Variants in TRIML2 observed in about 807,000 individuals in gnomAD.
The protein encoded by TRIML2 is tripartite motif family like 2.
In TRIML2, 28 loss-of-function variants were observed where a neutral mutation model predicts 31.2. The ratio of observed to expected loss-of-function variants is 0.90; its 90% confidence interval spans 0.66 to 1.23. The LOEUF is 1.23. Ranked by LOEUF, TRIML2 falls within the 50% of genes most tolerant of loss-of-function variation. The probability of loss-of-function intolerance (pLI) is 0.00; values close to 1 mark genes in which losing one functional copy is unlikely to be tolerated. For synonymous variants in TRIML2, 187 were observed against 197.5 expected (o/e 0.95, Z 0.45); for missense variants, 536 against 528.3 (o/e 1.01, Z -0.14).
chr4:188,108,932 G>T (rs369379131), intron 1 of TRIML2, among the ~76,000 whole-genome samples: 18 of 152,258 alleles, frequency 1.2e-4, no homozygotes, highest in African/African-American at 4.3e-4. Context: ...GAGATGCCCT[G>T]TGTCTACATC....
chr4:188,106,811 T>A (rs1045160794), intron 1 of TRIML2: 4 of 246,162 alleles, frequency 1.6e-5, no homozygotes, highest in Non-Finnish European at 3.4e-5. Flanking sequence ...AGACTCTTGC[T>A]AAGGTGGCCA....
intron 4 of TRIML2, among the ~76,000 whole-genome samples, chr4:188,100,809 G>GT (rs1733753839): frequency 6.6e-6 from 1 of 152,082 alleles, no homozygotes; most frequent in South Asian, 2.1e-4. Context: ...TTCTATGTGT[G>GT]TAAGTATGTT....
At chr4:188,100,134 G>C (rs979253568) in intron 4 of TRIML2, among the ~76,000 whole-genome samples, 1 of 152,110 alleles carries the variant, frequency 6.6e-6, no homozygotes, top group Non-Finnish European at 1.5e-5. Context: ...TATGTATGGA[G>C]CACATTTTGT....
intron 7 of TRIML2, among the ~76,000 whole-genome samples, chr4:188,096,151 C>T (rs888319533): frequency 6.6e-6 from 1 of 152,162 alleles, no homozygotes. Flanking sequence ...GTAATCCCAG[C>T]ACTTTGGGAG....
chr4:188,106,049 C>T lies in TRIML2; in HGVS notation c.-222-459G>A, dbSNP rs901395210. 7 of 140,538 alleles carry T rather than the reference C, an allele frequency of 5.0e-5. No individual in the cohort carries two copies. The East Asian group carries it at 1.2e-3, about 24-fold the overall frequency. The allele number at this position is 140,538 out of a possible 1,614,324, so 8.7% of individuals were successfully genotyped here. On this transcript the variant is annotated intron_variant, in intron 1 of 7. Transcript: ENST00000682553. ...TGGGGAAGCAAATAAGGGAAAACAG[C>T]TCCTCTTTTTTTTTTTTTGAGACGG...
In TRIML2 at chr4:188,103,099, G is replaced by A. The variant is rs183147144; in HGVS notation, c.285+1738C>T. ...GCCATCTCGGCTCACTGCAAGCTCC[G>A]CCTCCAAAGTTCATGCCATTCTCCT... is the stretch of plus-strand genomic sequence containing the variant. On this transcript the variant is annotated intron_variant, in intron 3 of 7. Coordinates refer to ENST00000682553, the MANE Select transcript of TRIML2 (RefSeq NM_173553.4). 7.8e-4 allele frequency among the ~76,000 whole-genome samples: 105 copies of A among 134,124 alleles called. 1 individual carries two copies. In the East Asian group the frequency reaches 0.024, roughly 31 times the overall value. The allele number at this position is 134,124 out of a possible 152,430, so 88.0% of individuals were successfully genotyped here.
chr4:188,098,124 A>AC, intron 5 of TRIML2: 1 of 103,594 alleles, frequency 9.7e-6, no homozygotes, highest in Non-Finnish European at 1.8e-5. Flanking sequence ...CGTCTCGGGG[A>AC]AAAAAAAAAA....
chr4:188,098,627 G>A (rs1462236736), intron 5 of TRIML2: 1 of 208,358 alleles, frequency 4.8e-6, no homozygotes, highest in Non-Finnish European at 9.9e-6. Flanking sequence ...ATATGTGTGT[G>A]TATATATACT....
At chr4:188,102,244 C>T (rs568126610) in intron 3 of TRIML2, among the ~76,000 whole-genome samples, 1 of 151,676 alleles carries the variant, frequency 6.6e-6, no homozygotes, top group African/African-American at 2.4e-5. Context: ...ATGGGATTTG[C>T]TGATGCTTGG....
Position 188,091,903 on chromosome 4 carries a change from G to T in TRIML2, c.784C>A (p.Leu262Met). The T allele has an allele frequency of 6.2e-7, 1 of 1,613,202 alleles. No individual in the cohort carries two copies. Among genetic ancestry groups the T allele is most frequent in the Non-Finnish European group, 8.5e-7 (1 of 1,179,984 alleles). Residue 262 changes from leucine to methionine, a missense_variant, in exon 8 of 8, where the codon CTG becomes ATG. Transcript: ENST00000682553. ...GTTCTCAGGTCCTCAGATAGTGCCA[G>T]GCAGGGATGAGCTGTTTCAGGATCC... is the stretch of plus-strand genomic sequence containing the variant. ...TLDPETAHPC[L>M]ALSEDLRTMR...
chr4:188,105,544 C>T lies in TRIML2; in HGVS notation c.-176G>A, dbSNP rs77568613. 48,229 of 477,008 alleles carry T rather than the reference C, an allele frequency of 0.1. 6,366 individuals are homozygous for T. The highest frequency in any genetic ancestry group is 0.54 in the East Asian group (18,561 of 34,286). The allele number at this position is 477,008 out of a possible 1,614,324, so 29.5% of individuals were successfully genotyped here. On this transcript the variant is annotated 5_prime_UTR_variant, in exon 2 of 8. Coordinates refer to ENST00000682553, the MANE Select transcript of TRIML2 (RefSeq NM_173553.4). Reference sequence around the variant, plus strand: ...ATAAGTCCACGCAGACAGAGCGGGTCGGCGCTCTGGACTCCTCAAATCCAA... The same window carrying T: ...ATAAGTCCACGCAGACAGAGCGGGTTGGCGCTCTGGACTCCTCAAATCCAA...
intron 1 of TRIML2, chr4:188,106,172 C>CT (rs1205582367): frequency 2.6e-5 from 4 of 151,742 alleles, no homozygotes; most frequent in Non-Finnish European, 5.9e-5. Flanking sequence ...GCCTCAGCCT[C>CT]CCGAGTAGCT....
rs1262113705 is a variant in TRIML2 at position 188,097,801 on chromosome 4, C to T, written c.622-455G>A. ...TGAGCGCATTCATTGCAATTATAAG[C>T]CCAGGAGAGGGATATGGACAGTCTT... On this transcript the variant is annotated intron_variant, in intron 5 of 7. Transcript: ENST00000682553. Among the ~76,000 whole-genome samples, 4 of 152,094 alleles carry T rather than the reference C, an allele frequency of 2.6e-5. No homozygotes were observed. The East Asian group carries it at 7.7e-4, about 29-fold the overall frequency.
At chr4:188,105,031 G>A in intron 2 of TRIML2, 99 bp from the exon 3 acceptor site, 1 of 1,403,984 alleles carries the variant, frequency 7.1e-7, no homozygotes, top group Non-Finnish European at 1.0e-6. Flanking sequence ...TATTTTCTTA[G>A]CCTTTAGGTT....
At chr4:188,104,038 T>C (rs147494077) in intron 3 of TRIML2, among the ~76,000 whole-genome samples, 26 of 152,248 alleles carry the variant, frequency 1.7e-4, no homozygotes, top group African/African-American at 5.8e-4. Context: ...AGAAGTGAAA[T>C]ATGCCTAACA....
Position 188,091,455 on chromosome 4 carries a change from C to T in TRIML2, c.1232G>A (p.Cys411Tyr), listed in dbSNP as rs1454602371. 6.2e-7 allele frequency: 1 copy of T among 1,613,988 alleles called. No individual in the cohort carries two copies. The change falls in exon 8 of 8, where the codon TGT becomes TAT. Residue 411 changes from cysteine (C) to tyrosine (Y), a missense_variant. Cys to Tyr is a radical substitution (Grantham distance 194). Transcript: ENST00000682553. ...TGGACTTGTGTCTCCATTTGGGATA[C>T]AGAGGGAAAACACAGGCCTGAGAGC... is the stretch of plus-strand genomic sequence containing the variant. The part of the protein sequence containing the change: ...QGALRPVFSL[C>Y]IPNGDTSPDS...
intron 4 of TRIML2, among the ~76,000 whole-genome samples, chr4:188,100,039 CTTACT>C (rs1733703117): frequency 6.6e-6 from 1 of 152,088 alleles, no homozygotes; most frequent in African/African-American, 2.4e-5. Flanking sequence ...AATCTGACAA[CTTACT>C]TTATTCTTGG....
At chr4:188,097,473 G>C in intron 5 of TRIML2, 127 bp from the exon 6 acceptor site, 2 of 833,714 alleles carry the variant, frequency 2.4e-6, no homozygotes, top group East Asian at 2.4e-5. Context: ...CATAATGCTA[G>C]TTATCAGATG....
rs867676058 is a variant in TRIML2 at position 188,098,125 on chromosome 4, A to G, written c.622-779T>C. 3.8e-3 allele frequency: 720 copies of G among 188,214 alleles called. 2 individuals carry two copies. Among genetic ancestry groups the G allele is most frequent in the African/African-American group, 0.011 (449 of 41,384 alleles). 11.7% of individuals were successfully genotyped at this position (188,214 alleles called of 1,614,324 possible). On this transcript the variant is annotated intron_variant, in intron 5 of 7. Transcript: ENST00000682553. ...ATAGAGCGAGACTCCGTCTCGGGGA[A>G]AAAAAAAAAAAAAAAGGTAACCCAC...
Sources: allele counts gnomAD v4.1 joint callset (sites outside exome capture counted in the v4.1 genomes callset), GRCh38; gene constraint gnomAD v4.1.1; transcripts MANE v1.5; gene names NCBI Gene and HGNC (gene_info 2026-07-23, HGNC 2026-07-21).